Variants in GCNT2 observed in about 807,000 individuals in gnomAD.
GCNT2 encodes N-acetyllactosaminide beta-1,6-N-acetylglucosaminyl-transferase.
GCNT2 carries 34 observed loss-of-function variants against 34.2 expected under a neutral mutation model. That is an observed-to-expected ratio of 1.00 (90% CI 0.76 to 1.32). The LOEUF (loss-of-function observed/expected upper bound fraction) is 1.32. Among genes scored for constraint, GCNT2 ranks in the 40% most tolerant of loss-of-function variants. The pLI, the probability that GCNT2 is intolerant of heterozygous loss-of-function variation, is 0.00. For missense variants in GCNT2, 584 were observed against 489.4 expected (o/e 1.19, Z -1.82); for synonymous variants, 212 against 188.0 (o/e 1.13, Z -1.04).
intron 3 of GCNT2, among the ~76,000 whole-genome samples, chr6:10,607,374 C>T (rs900097373): frequency 3.3e-5 from 5 of 152,166 alleles, no homozygotes; most frequent in African/African-American, 1.2e-4. Flanking sequence ...AAGAGCAGAA[C>T]GGGGAGATGC....
intron 3 of GCNT2, among the ~76,000 whole-genome samples, chr6:10,610,870 G>A (rs186271395): frequency 6.6e-6 from 1 of 152,132 alleles, no homozygotes; most frequent in Non-Finnish European, 1.5e-5. Flanking sequence ...GAGGCATTAG[G>A]AAATTTTTGA....
intron 3 of GCNT2, among the ~76,000 whole-genome samples, chr6:10,534,521 A>G (rs1761670671): frequency 6.6e-6 from 1 of 152,034 alleles, no homozygotes. Flanking sequence ...CAGCCATTGT[A>G]TTAAACAATG....
rs2127449203 is a variant in GCNT2 at position 10,628,140 on chromosome 6, T to C, written c.*1533T>C. 1 of 152,724 alleles carries C rather than the reference T, an allele frequency of 6.5e-6. No individual in the cohort carries two copies. Among genetic ancestry groups the C allele is most frequent in the South Asian group, 2.1e-4 (1 of 4,822 alleles). The allele number at this position is 152,724 out of a possible 1,614,324, so 9.5% of individuals were successfully genotyped here. A position where few individuals can be genotyped will look rare whatever the true frequency, so the allele number is the denominator to read the frequency against. On this transcript the variant is annotated 3_prime_UTR_variant, in exon 5 of 5. Coordinates refer to ENST00000495262, the MANE Select transcript of GCNT2 (RefSeq NM_145649.5). ...TGAGAGAAGGTGAAATAAAGCCATA[T>C]TTAGTATACCAGAGAAGGTAGATTT... is the stretch of plus-strand genomic sequence containing the variant.
intron 3 of GCNT2, among the ~76,000 whole-genome samples, chr6:10,550,395 A>G (rs2113633524): frequency 6.6e-6 from 1 of 152,018 alleles, no homozygotes; most frequent in South Asian, 2.1e-4. Context: ...AGGGTCATTG[A>G]GAAAAAAAAA....
chr6:10,557,016 A>G (rs1273336302), intron 3 of GCNT2: 9 of 1,613,690 alleles, frequency 5.6e-6, no homozygotes, highest in Non-Finnish European at 6.8e-6. Context: ...CTGAAAACCA[A>G]CAAGGAAATA....
In GCNT2 at chr6:10,626,872, G is replaced by T; in HGVS notation, c.*265G>T. 1 of 444,856 alleles carries T rather than the reference G, an allele frequency of 2.2e-6. No individual in the cohort carries two copies. Among genetic ancestry groups the T allele is most frequent in the Non-Finnish European group, 4.1e-6 (1 of 243,684 alleles). 27.6% of individuals were successfully genotyped at this position (444,856 alleles called of 1,614,324 possible). A position where few individuals can be genotyped will look rare whatever the true frequency, so the allele number is the denominator to read the frequency against. Reference sequence around the variant, plus strand: ...TCACCTCTATATTAGTTTATTGTTAGGATCAATGATAAATTTAAATGACCT... The same window carrying T: ...TCACCTCTATATTAGTTTATTGTTATGATCAATGATAAATTTAAATGACCT... On this transcript the variant is annotated 3_prime_UTR_variant, in exon 5 of 5. Transcript: ENST00000495262.
intron 3 of GCNT2, among the ~76,000 whole-genome samples, chr6:10,618,714 CT>C (rs1364231137): frequency 6.6e-6 from 1 of 151,164 alleles, no homozygotes; most frequent in African/African-American, 2.4e-5. Flanking sequence ...ACTCCAAATT[CT>C]TTTAAAATGT....
intron 3 of GCNT2, among the ~76,000 whole-genome samples, chr6:10,550,924 C>T (rs1466007874): frequency 6.6e-6 from 1 of 152,212 alleles, no homozygotes; most frequent in Non-Finnish European, 1.5e-5. Flanking sequence ...CCCTTATCCT[C>T]AAGCTACAGA....
chr6:10,550,804 A>G (rs978303270), intron 3 of GCNT2, among the ~76,000 whole-genome samples: 6 of 152,152 alleles, frequency 3.9e-5, no homozygotes, highest in Non-Finnish European at 7.4e-5. Context: ...TATTAAACTC[A>G]CCTGGAACCT....
intron 3 of GCNT2, among the ~76,000 whole-genome samples, chr6:10,550,090 G>A (rs893700468): frequency 6.6e-6 from 1 of 152,120 alleles, no homozygotes; most frequent in African/African-American, 2.4e-5. Flanking sequence ...TTTTGCTCTT[G>A]TTGCCTAGGC....
At chr6:10,620,832 T>G (rs1437991842) in intron 3 of GCNT2, among the ~76,000 whole-genome samples, 1 of 152,204 alleles carries the variant, frequency 6.6e-6, no homozygotes. Flanking sequence ...TGGGGTGATT[T>G]TGCTCACCCA....
intron 3 of GCNT2, among the ~76,000 whole-genome samples, chr6:10,620,060 TCAGC>T (rs1765965623): frequency 6.6e-6 from 1 of 152,224 alleles, no homozygotes; most frequent in Non-Finnish European, 1.5e-5. Flanking sequence ...TATTTTAAGG[TCAGC>T]TGATCAGCAA....
intron 3 of GCNT2, among the ~76,000 whole-genome samples, chr6:10,585,346 A>C (rs1764298662): frequency 1.3e-5 from 2 of 152,104 alleles, no homozygotes; most frequent in African/African-American, 4.8e-5. Context: ...TGCCTGGCAC[A>C]CATTCATTTT....
intron 3 of GCNT2, among the ~76,000 whole-genome samples, chr6:10,588,710 G>T (rs552847919): frequency 6.6e-6 from 1 of 152,196 alleles, no homozygotes; most frequent in East Asian, 1.9e-4. Context: ...GGTTAGCAGG[G>T]ATATGGTGTG....
Position 10,621,395 on chromosome 6 carries a change from A to G in GCNT2, c.970A>G (p.Arg324Gly). The G allele has an allele frequency of 4.3e-6, 7 of 1,613,328 alleles. No individual in the cohort carries two copies. Among genetic ancestry groups the G allele is most frequent in the Non-Finnish European group, 5.9e-6 (7 of 1,179,294 alleles). The change falls in exon 4 of 5, where the codon AGA becomes GGA. Residue 324 changes from arginine to glycine, a missense_variant. By Grantham distance (125) the Arg-to-Gly change is moderately radical (BLOSUM62 -2). Coordinates refer to ENST00000495262, the MANE Select transcript of GCNT2 (RefSeq NM_145649.5). ...MPNASWTGNL[R>G]AIKWSDMEDR... ...AAATGCATCCTGGACTGGAAACCTC[A>G]GAGCTATAAAGTGGAGTGACATGGA...
At chr6:10,556,174 G>C in intron 3 of GCNT2, 1 of 1,374,984 alleles carries the variant, frequency 7.3e-7, no homozygotes, top group Non-Finnish European at 9.4e-7. Context: ...GGAAGGCTGG[G>C]CTTCAGCAAC....
chr6:10,617,019 C>A (rs1039132324), intron 3 of GCNT2, among the ~76,000 whole-genome samples: 2 of 152,234 alleles, frequency 1.3e-5, no homozygotes, highest in Admixed American at 1.3e-4. Context: ...GCACCAGGGC[C>A]GCAGGTGGAG....
At chr6:10,539,178 C>CTTTTTT (rs1165356992) in intron 3 of GCNT2, among the ~76,000 whole-genome samples, 1 of 69,482 alleles carries the variant, frequency 1.4e-5, no homozygotes, top group African/African-American at 4.6e-5. Context: ...AGCTCACCGT[C>CTTTTTT]TCTTTTTTTT....
chr6:10,533,245 G>T (rs2113534070), intron 3 of GCNT2, among the ~76,000 whole-genome samples: 1 of 151,962 alleles, frequency 6.6e-6, no homozygotes, highest in African/African-American at 2.4e-5. Flanking sequence ...GGCGGAGGTT[G>T]CAGTGAGCCA....
Sources: allele counts gnomAD v4.1 joint callset (sites outside exome capture counted in the v4.1 genomes callset), GRCh38; gene constraint gnomAD v4.1.1; transcripts MANE v1.5; gene names NCBI Gene and HGNC (gene_info 2026-07-23, HGNC 2026-07-21).